Variants in ROBO2 observed in about 807,000 individuals in gnomAD.
The protein encoded by ROBO2 is roundabout homolog 2.
ROBO2 carries 53 observed loss-of-function variants against 160.8 expected under a neutral mutation model. The ratio of observed to expected loss-of-function variants is 0.33; its 90% confidence interval spans 0.26 to 0.41. The LOEUF (loss-of-function observed/expected upper bound fraction) is 0.41. Among genes scored for constraint, ROBO2 ranks in the 10% least tolerant of loss-of-function variants. The pLI, the probability that ROBO2 is intolerant of heterozygous loss-of-function variation, is 1.00. For synonymous variants in ROBO2, 664 were observed against 611.7 expected (o/e 1.09, Z -1.26); for missense variants, 1,577 against 1,722.4 (o/e 0.92, Z 1.49).
At chr3:76,207,330 A>C (rs532418740) in intron 2 of ROBO2, among the ~76,000 whole-genome samples, 1 of 152,238 alleles carries the variant, frequency 6.6e-6, no homozygotes, top group Admixed American at 6.5e-5. Flanking sequence ...TTTTGGAGTT[A>C]TTTTACTGAA....
chr3:77,479,500 T>C (rs2084425986), intron 3 of ROBO2, among the ~76,000 whole-genome samples: 1 of 152,168 alleles, frequency 6.6e-6, no homozygotes, highest in South Asian at 2.1e-4. Context: ...AAGTTTCTAA[T>C]GACTTACAAT....
At chr3:76,073,668 A>G (rs9755939) in intron 2 of ROBO2, among the ~76,000 whole-genome samples, 95,125 of 151,642 alleles carry the variant, frequency 0.63, 30,461 homozygotes, top group Middle Eastern at 0.76. Context: ...AAAACTGAAC[A>G]ATACGTTAAA....
At chr3:76,836,403 G>T (rs1292464357) in intron 2 of ROBO2, among the ~76,000 whole-genome samples, 1 of 148,768 alleles carries the variant, frequency 6.7e-6, no homozygotes. Flanking sequence ...AGCTATTTTG[G>T]TCATTACTTT....
At chr3:76,213,432 A>G (rs1703279611) in intron 2 of ROBO2, among the ~76,000 whole-genome samples, 1 of 152,112 alleles carries the variant, frequency 6.6e-6, no homozygotes, top group Non-Finnish European at 1.5e-5. Flanking sequence ...ACTAGACTAT[A>G]CTCTTAGTGT....
At chr3:75,953,311 T>C (rs1463324726) in intron 2 of ROBO2, among the ~76,000 whole-genome samples, 1 of 151,976 alleles carries the variant, frequency 6.6e-6, no homozygotes, top group Non-Finnish European at 1.5e-5. Context: ...AATAGTCATG[T>C]AATAATATCT....
chr3:76,920,932 A>C (rs2076616051), intron 2 of ROBO2, among the ~76,000 whole-genome samples: 1 of 152,226 alleles, frequency 6.6e-6, no homozygotes, highest in Admixed American at 6.5e-5. Context: ...GTTCATTAAA[A>C]ACTGTGATTC....
chr3:77,083,939 G>C (rs2068969678), intron 1 of ROBO2, among the ~76,000 whole-genome samples: 1 of 152,002 alleles, frequency 6.6e-6, no homozygotes, highest in Non-Finnish European at 1.5e-5. Context: ...GGCTGTTGTT[G>C]TCATAGAGAT....
chr3:77,503,227 AT>A (rs1001199068), intron 5 of ROBO2, among the ~76,000 whole-genome samples: 1 of 151,608 alleles, frequency 6.6e-6, no homozygotes, highest in Non-Finnish European at 1.5e-5. Flanking sequence ...AATTAAAAAA[AT>A]AATAATAATA....
intron 2 of ROBO2, among the ~76,000 whole-genome samples, chr3:76,946,638 A>T (rs1176087052): frequency 6.6e-6 from 1 of 152,032 alleles, no homozygotes; most frequent in Non-Finnish European, 1.5e-5. Context: ...AGGTTTCACC[A>T]TGTTGGCCAG....
intron 2 of ROBO2, among the ~76,000 whole-genome samples, chr3:76,519,422 G>A (rs1428728920): frequency 2.0e-5 from 3 of 152,124 alleles, no homozygotes; most frequent in African/African-American, 2.4e-5. Context: ...AAAATGTACT[G>A]ATGATTTCAG....
intron 5 of ROBO2, among the ~76,000 whole-genome samples, chr3:77,504,053 A>T (rs1001383103): frequency 6.6e-6 from 1 of 152,158 alleles, no homozygotes; most frequent in African/African-American, 2.4e-5. Flanking sequence ...CTGGCGCTTC[A>T]TTTTAAAAGG....
At chr3:77,323,507 A>T (rs1201578592) in intron 2 of ROBO2, among the ~76,000 whole-genome samples, 1 of 152,222 alleles carries the variant, frequency 6.6e-6, no homozygotes. Flanking sequence ...TTTTCTGTAG[A>T]ACATGGGCTA....
At chr3:76,608,786 T>C (rs1019211848) in intron 2 of ROBO2, among the ~76,000 whole-genome samples, 8 of 152,212 alleles carry the variant, frequency 5.3e-5, no homozygotes, top group Non-Finnish European at 8.8e-5. Flanking sequence ...TGCATATGGA[T>C]ATCCAGTTTT....
intron 2 of ROBO2, among the ~76,000 whole-genome samples, chr3:77,024,753 T>C (rs375288057): frequency 6.6e-6 from 1 of 152,204 alleles, no homozygotes; most frequent in Non-Finnish European, 1.5e-5. Flanking sequence ...TTTTATCACA[T>C]GAATCTCAGT....
chr3:76,345,582 T>C (rs913221607), intron 2 of ROBO2, among the ~76,000 whole-genome samples: 2 of 151,886 alleles, frequency 1.3e-5, no homozygotes, highest in African/African-American at 4.8e-5. Flanking sequence ...ATGTTTTCCC[T>C]GATTTTTTTA....
intron 2 of ROBO2, among the ~76,000 whole-genome samples, chr3:76,505,585 G>C (rs1285295529): frequency 6.6e-6 from 1 of 152,122 alleles, no homozygotes; most frequent in African/African-American, 2.4e-5. Flanking sequence ...TAGAAACACA[G>C]ACACAGAAAC....
At chr3:76,868,684 C>T (rs1241347840) in intron 2 of ROBO2, among the ~76,000 whole-genome samples, 1 of 151,818 alleles carries the variant, frequency 6.6e-6, no homozygotes, top group Non-Finnish European at 1.5e-5. Flanking sequence ...AATAACACAA[C>T]AGGAATGAAG....
intron 2 of ROBO2, among the ~76,000 whole-genome samples, chr3:76,038,774 G>C (rs2067193462): frequency 1.8e-5 from 2 of 109,686 alleles, no homozygotes; most frequent in Admixed American, 1.7e-4. Flanking sequence ...CTGCGTGTGT[G>C]TGTGTGTGTG....
intron 2 of ROBO2, among the ~76,000 whole-genome samples, chr3:76,226,185 T>C (rs36037458): frequency 0.8 from 122,050 of 152,200 alleles, 50,045 homozygotes; most frequent in East Asian, 0.95. Flanking sequence ...CCTTATAATA[T>C]AGGTCAGAAA....
Sources: gnomAD v4.1 joint callset for allele counts (sites outside exome capture counted in the v4.1 genomes callset) on GRCh38, gnomAD v4.1.1 for gene constraint, MANE v1.5 for transcripts, NCBI Gene and HGNC (gene_info 2026-07-23, HGNC 2026-07-21) for gene names.